Variants in WDFY3 observed in about 807,000 individuals in gnomAD.
The protein encoded by WDFY3 is WD repeat and FYVE domain containing 3, also known as WD repeat and FYVE domain-containing protein 3.
In WDFY3, 66 loss-of-function variants were observed where a neutral mutation model predicts 409.6. That is an observed-to-expected ratio of 0.16 (90% CI 0.13 to 0.20). WDFY3 has a LOEUF of 0.20. WDFY3 is among the 10% of genes least tolerant of loss of function. The pLI is 1.00. For missense variants in WDFY3, 3,031 were observed against 4,298.1 expected (o/e 0.71, Z 8.24); for synonymous variants, 1,521 against 1,537.1 (o/e 0.99, Z 0.25).
At chr4:84,735,234 A>T (rs1413046251) in intron 42 of WDFY3, 114 bp from the exon 43 acceptor site, 5 of 939,238 alleles carry the variant, frequency 5.3e-6, no homozygotes, top group Non-Finnish European at 7.9e-6. Flanking sequence ...AAAAGCACCA[A>T]AACAGAAAAC....
Position 84,778,513 on chromosome 4 carries a change from C to A in WDFY3, c.4508G>T (p.Cys1503Phe). ...PNSTAFQDLLCDFEVWLHAPY... is the reference protein window; with the variant it reads ...PNSTAFQDLLFDFEVWLHAPY... ...TGCTTATATACATACTTCAAAATCA[C>A]AGAGGAGGTCCTGGAAAGCAGTTGA... The change falls in exon 27 of 68, where the codon TGT (cysteine) becomes TTT (phenylalanine). Residue 1503 changes from cysteine (C) to phenylalanine (F), a missense_variant. This residue lies in a region of WDFY3 where 55 missense variants were observed against 124.1 expected (regional missense o/e 0.44). Transcript: ENST00000295888. 6.2e-7 allele frequency: 1 copy of A among 1,600,258 alleles called. No homozygotes were observed. The highest frequency in any genetic ancestry group is 8.5e-7 in the Non-Finnish European group (1 of 1,175,348).
intron 15 of WDFY3, among the ~76,000 whole-genome samples, chr4:84,805,930 T>C (rs1751428427): frequency 6.6e-6 from 1 of 152,182 alleles, no homozygotes; most frequent in Non-Finnish European, 1.5e-5. Flanking sequence ...AGGTTTTGAG[T>C]TTTAGTTTTC....
chr4:84,844,578 GT>G, intron 5 of WDFY3: 1 of 1,225,248 alleles, frequency 8.2e-7, no homozygotes, highest in Non-Finnish European at 1.1e-6. Context: ...CACCACAAGA[GT>G]ACTGGGGTCA....
At position 84,690,479 on chromosome 4, in the gene WDFY3, C is replaced by T. The variant is rs1729074485; in HGVS notation, c.9363+27G>A. ...GGCACAGGAGATGGACTATGTCCTT[C>T]TTGGCATTTTCTATGTTCTCTCTTA... is the stretch of plus-strand genomic sequence containing the variant. On this transcript the variant is annotated intron_variant, in intron 61 of 67. Coordinates refer to ENST00000295888, the MANE Select transcript of WDFY3 (RefSeq NM_014991.6). 3.1e-6 allele frequency: 5 copies of T among 1,613,828 alleles called. No individual in the cohort carries two copies. In the South Asian group the frequency reaches 4.4e-5, roughly 14 times the overall value.
chr4:84,677,458 G>T, intron 66 of WDFY3, 62 bp from the exon 67 acceptor site: 1 of 1,458,640 alleles, frequency 6.9e-7, no homozygotes, highest in Non-Finnish European at 9.1e-7. Flanking sequence ...CCTTCTTGAG[G>T]CTCTCTGGAT....
chr4:84,722,399 A>C (rs541826648), intron 46 of WDFY3, among the ~76,000 whole-genome samples: 1 of 152,122 alleles, frequency 6.6e-6, no homozygotes, highest in Admixed American at 6.5e-5. Context: ...AAAAAGTAAA[A>C]AATAAACATG....
chr4:84,843,161 A>G (rs1474716634), intron 5 of WDFY3, among the ~76,000 whole-genome samples: 1 of 152,214 alleles, frequency 6.6e-6, no homozygotes, highest in Non-Finnish European at 1.5e-5. Context: ...AATGCAGAAG[A>G]TAAGTAATTT....
At position 84,819,322 on chromosome 4, in the gene WDFY3, CA is replaced by C. The variant is rs1278975791; in HGVS notation, c.1693+762del. The stretch of plus-strand genomic sequence containing the variant: ...AATGCTGAGTTTCCCTGCATTCAGG[CA>C]AACAGTCATGCATTTGGGCATGGGG... On this transcript the variant is annotated intron_variant, in intron 12 of 67. Transcript: ENST00000295888. Among the ~76,000 whole-genome samples the C allele has an allele frequency of 2.0e-5, 3 of 152,036 alleles. No individual in the cohort carries two copies. In the East Asian group the frequency reaches 5.8e-4, roughly 29 times the overall value.
chr4:84,748,483 T>C (rs968545128), intron 36 of WDFY3, among the ~76,000 whole-genome samples: 2 of 152,162 alleles, frequency 1.3e-5, no homozygotes, highest in African/African-American at 4.8e-5. Flanking sequence ...AGAGAGATGG[T>C]AAATAATATC....
chr4:84,820,201 A>G lies in WDFY3; in HGVS notation c.1592-15T>C, dbSNP rs758481902. On this transcript the variant is annotated splice_polypyrimidine_tract_variant and intron_variant, in intron 11 of 67. Transcript: ENST00000295888. ...TCTTGAGTCCCCTAAAAAAAGGTTC[A>G]AAGGTCCAAATTACAAAAGTGATAA... 6.9e-6 allele frequency: 11 copies of G among 1,583,918 alleles called. No individual in the cohort carries two copies. The African/African-American group carries it at 1.5e-4, about 22-fold the overall frequency.
intron 45 of WDFY3, among the ~76,000 whole-genome samples, chr4:84,725,819 A>C (rs1399975623): frequency 6.6e-6 from 1 of 152,144 alleles, no homozygotes; most frequent in African/African-American, 2.4e-5. Flanking sequence ...TGGGTGAGAC[A>C]TGTAGAATGA....
intron 15 of WDFY3, among the ~76,000 whole-genome samples, chr4:84,806,043 T>A (rs1388047043): frequency 1.3e-5 from 2 of 152,176 alleles, no homozygotes. Context: ...CCTCAAAACG[T>A]CCTTAGCATC....
At chr4:84,887,434 T>C (rs1764381214) in intron 3 of WDFY3, among the ~76,000 whole-genome samples, 1 of 152,212 alleles carries the variant, frequency 6.6e-6, no homozygotes, top group South Asian at 2.1e-4. Flanking sequence ...TATTTCCAAG[T>C]GTAAAACACC....
Position 84,778,246 on chromosome 4 carries a change from A to G in WDFY3, c.4518+257T>C, listed in dbSNP as rs58092177. The stretch of plus-strand genomic sequence containing the variant: ...AACTATGTTTGACTCATGTAATGCC[A>G]CTGCCAGCAGCAAATCAGCTAGTTA... On this transcript the variant is annotated intron_variant, in intron 27 of 67. Transcript: ENST00000295888. 1.1e-3 allele frequency among the ~76,000 whole-genome samples: 163 copies of G among 152,288 alleles called. 1 individual carries two copies. The East Asian group carries it at 0.029, about 27-fold the overall frequency.
intron 15 of WDFY3, chr4:84,804,213 C>T (rs1189031275): frequency 2.0e-5 from 3 of 152,222 alleles, no homozygotes; most frequent in Non-Finnish European, 4.4e-5. Flanking sequence ...ATCTACAATT[C>T]ATGAATTTTG....
intron 6 of WDFY3, among the ~76,000 whole-genome samples, chr4:84,840,733 C>G (rs989704037): frequency 6.6e-6 from 1 of 151,742 alleles, no homozygotes; most frequent in South Asian, 2.1e-4. Context: ...CAGGCCACCA[C>G]GCTCAGCTAA....
intron 32 of WDFY3, among the ~76,000 whole-genome samples, chr4:84,760,250 T>G (rs1288250568): frequency 6.6e-6 from 1 of 152,188 alleles, no homozygotes; most frequent in African/African-American, 2.4e-5. Flanking sequence ...ATCAAGGATA[T>G]TGGTCTAAAG....
rs754128007 is a variant in WDFY3, at chr4:84,809,967, T to C, written c.2265A>G (p.Ile755Met). ...QRLLEEDVIS[I>M]ESVSPTLRHC... Reference sequence around the variant, plus strand: ...GCCGTAACGTGGGTGACACTGATTCTATTGAGATTACATCTTCCTCTAAAA... The same window carrying C: ...GCCGTAACGTGGGTGACACTGATTCCATTGAGATTACATCTTCCTCTAAAA... The change falls in exon 14 of 68, where the codon ATA becomes ATG. Residue 755 changes from isoleucine (I) to methionine (M), a missense_variant. Coordinates refer to ENST00000295888, the MANE Select transcript of WDFY3 (RefSeq NM_014991.6). 1.9e-6 allele frequency: 3 copies of C among 1,614,214 alleles called. No homozygotes were observed. The highest frequency in any genetic ancestry group is 2.5e-6 in the Non-Finnish European group (3 of 1,180,020).
At chr4:84,703,900 T>A (rs1262185573) in intron 55 of WDFY3, among the ~76,000 whole-genome samples, 1 of 152,216 alleles carries the variant, frequency 6.6e-6, no homozygotes, top group Non-Finnish European at 1.5e-5. Context: ...CAGGTAAGGC[T>A]TTTCTCTTTA....
Sources: gnomAD v4.1 joint callset for allele counts (sites outside exome capture counted in the v4.1 genomes callset) on GRCh38, gnomAD v4.1.1 for gene constraint, gnomAD v4.1.1 regional missense constraint, MANE v1.5 for transcripts, NCBI Gene and HGNC (gene_info 2026-07-23, HGNC 2026-07-21) for gene names.